SLC9B2: variants seen among roughly 807,000 people sequenced by gnomAD.
The protein encoded by SLC9B2 is sodium/hydrogen exchanger 9B2.
A neutral mutation model predicts 52.2 loss-of-function variants in SLC9B2; 39 were observed. The ratio of observed to expected loss-of-function variants is 0.75; its 90% CI spans 0.58 to 0.98. SLC9B2 has a LOEUF of 0.98. SLC9B2 is among the 50% of genes least tolerant of loss of function. SLC9B2 has a pLI of 0.00. For missense variants in SLC9B2, 626 were observed against 637.5 expected, an observed-to-expected ratio of 0.98 and a Z score of 0.19; for synonymous variants, 214 against 227.0, an observed-to-expected ratio of 0.94 and a Z score of 0.51.
At position 103,023,155 on chromosome 4, in the gene SLC9B2, G is replaced by C. The variant is rs183633922; in HGVS notation, c.*3215C>G. Among the ~76,000 whole-genome samples the C allele has an allele frequency of 6.6e-6, 1 of 152,308 alleles. No individual in the cohort carries two copies. The highest frequency in any genetic ancestry group is 2.4e-5 in the African/African-American group (1 of 41,570). ...GTGTGGCAAGTAGTTTTCTGATATT[G>C]AGAGAGGATCCTCTTCCTCTCAGAT... is the stretch of plus-strand genomic sequence containing the variant. On this transcript the variant is annotated 3_prime_UTR_variant, in exon 12 of 12. Transcript: ENST00000394785.
intron 3 of SLC9B2, chr4:103,065,907 T>C (rs975757277): frequency 6.5e-6 from 1 of 154,740 alleles, no homozygotes; most frequent in African/African-American, 2.4e-5. Context: ...TTCTTACTTA[T>C]AAAGTAATAG....
rs1010686670 is a variant in SLC9B2 at position 103,056,471 on chromosome 4, C to T, written c.442+1330G>A. Reference sequence around the variant, plus strand: ...CCATGTTGGCCAGGCTGATCTTGAACTCCTGACCTCAGGTGATCCGCCTGC... The same window carrying T: ...CCATGTTGGCCAGGCTGATCTTGAATTCCTGACCTCAGGTGATCCGCCTGC... On this transcript the variant is annotated intron_variant, in intron 4 of 11. Coordinates refer to ENST00000394785, the MANE Select transcript of SLC9B2 (RefSeq NM_178833.7). 2.0e-5 allele frequency among the ~76,000 whole-genome samples: 3 copies of T among 152,100 alleles called. No individual in the cohort carries two copies. The East Asian group carries it at 5.8e-4, about 29-fold the overall frequency.
intron 9 of SLC9B2, among the ~76,000 whole-genome samples, chr4:103,034,254 T>C (rs957764935): frequency 6.6e-6 from 1 of 152,202 alleles, no homozygotes; most frequent in African/African-American, 2.4e-5. Flanking sequence ...GCTAACCATA[T>C]GCAGAAGATT....
At chr4:103,033,498 G>A (rs564239682) in intron 9 of SLC9B2, among the ~76,000 whole-genome samples, 10 of 151,844 alleles carry the variant, frequency 6.6e-5, no homozygotes, top group Non-Finnish European at 1.0e-4. Context: ...ATTTCTCTTC[G>A]CAGATTATAC....
At chr4:103,051,492 G>A (rs571182327) in intron 4 of SLC9B2, among the ~76,000 whole-genome samples, 9 of 152,144 alleles carry the variant, frequency 5.9e-5, no homozygotes, top group South Asian at 4.1e-4. Context: ...ATTTATCTAC[G>A]GGAAAGTCTC....
At chr4:103,036,645 A>G (rs148719643) in intron 9 of SLC9B2, among the ~76,000 whole-genome samples, 151 of 152,226 alleles carry the variant, frequency 9.9e-4, no homozygotes, top group African/African-American at 3.6e-3. Flanking sequence ...AATTAAATTG[A>G]CATGCCTTTT....
Position 103,043,288 on chromosome 4 carries a change from A to C in SLC9B2, c.1146+8T>G. The C allele has an allele frequency of 6.3e-7, 1 of 1,594,544 alleles. No individual in the cohort carries two copies. Among genetic ancestry groups the C allele is most frequent in the Non-Finnish European group, 8.5e-7 (1 of 1,174,196 alleles). On this transcript the variant is annotated splice_region_variant and intron_variant, in intron 9 of 11. Transcript: ENST00000394785. ...GTCATGAGCAGAAAAACTTAAAATG[A>C]AATTCACCTTTTCGCTGGTCCATCC...
At chr4:103,027,569 T>C (rs1008817399) in intron 11 of SLC9B2, among the ~76,000 whole-genome samples, 2 of 152,162 alleles carry the variant, frequency 1.3e-5, no homozygotes, top group African/African-American at 4.8e-5. Flanking sequence ...AAAAATGTAT[T>C]AATTAATCTG....
chr4:103,019,682 T>C (rs1436183796), downstream of SLC9B2: 1 of 985,180 alleles, frequency 1.0e-6, no homozygotes. Context: ...GCCACCCAGG[T>C]GGGCAGGGTG....
intron 3 of SLC9B2, among the ~76,000 whole-genome samples, chr4:103,063,931 A>C (rs1745879446): frequency 6.6e-6 from 1 of 152,242 alleles, no homozygotes; most frequent in Non-Finnish European, 1.5e-5. Flanking sequence ...AGGTATAGGA[A>C]AAAATGTTCA....
chr4:103,023,011 G>C lies in SLC9B2; in HGVS notation c.*3359C>G, dbSNP rs78845458. 1.3e-5 allele frequency among the ~76,000 whole-genome samples: 2 copies of C among 152,066 alleles called. No homozygotes were observed. The highest frequency in any genetic ancestry group is 1.9e-4 in the East Asian group (1 of 5,202). ...CCAACAATGCTGGCATCCTGATCTC[G>C]AACTTCCAACCTTTAATAGAAGTAA... is the stretch of plus-strand genomic sequence containing the variant. On this transcript the variant is annotated 3_prime_UTR_variant, in exon 12 of 12. Coordinates refer to ENST00000394785, the MANE Select transcript of SLC9B2 (RefSeq NM_178833.7).
In SLC9B2 at chr4:103,066,320, T is replaced by C; in HGVS notation, c.271+7A>G. On this transcript the variant is annotated splice_region_variant and intron_variant, in intron 3 of 11. Coordinates refer to ENST00000394785, the MANE Select transcript of SLC9B2 (RefSeq NM_178833.7). ...CTTTTGCCATCTCTTTCTGAATTCA[T>C]CCTTACCATTTGTTATGACCCTGTC... 1.2e-6 allele frequency: 2 copies of C among 1,608,110 alleles called. No individual in the cohort carries two copies. The highest frequency in any genetic ancestry group is 1.7e-6 in the Non-Finnish European group (2 of 1,176,404).
intron 8 of SLC9B2, among the ~76,000 whole-genome samples, chr4:103,044,080 A>G (rs1464545942): frequency 6.6e-6 from 1 of 152,136 alleles, no homozygotes; most frequent in Non-Finnish European, 1.5e-5. Context: ...ATCACTTTAG[A>G]AAGTAGGTCT....
intron 9 of SLC9B2, among the ~76,000 whole-genome samples, chr4:103,041,559 C>A (rs769803897): frequency 1.3e-5 from 2 of 152,130 alleles, no homozygotes; most frequent in African/African-American, 2.4e-5. Flanking sequence ...TCCTTCATTT[C>A]TCTGTTGCTA....
chr4:103,020,229 G>A (rs1741686212), downstream of SLC9B2: 1 of 399,952 alleles, frequency 2.5e-6, no homozygotes, highest in South Asian at 1.8e-5. Flanking sequence ...TTAATATACT[G>A]TTATCAGTAT....
intron 9 of SLC9B2, among the ~76,000 whole-genome samples, chr4:103,041,715 C>G (rs1011110010): frequency 1.4e-4 from 21 of 152,096 alleles, no homozygotes; most frequent in African/African-American, 4.8e-4. Context: ...AAGTGTTACT[C>G]AAACAGATGT....
chr4:103,044,985 A>G lies in SLC9B2; in HGVS notation c.901T>C (p.Phe301Leu). Residue 301 changes from phenylalanine to leucine, a missense_variant, in exon 8 of 12, where the codon TTT becomes CTT. Transcript: ENST00000394785. ...GIAFSTGSTV[F>L]NVLRGVLEVV... is the part of the protein sequence containing the mutation. ...TCCAAAACTCCTCTGAGGACATTAA[A>G]GACAGTAGAGCCTGAAAAATATATT... is the stretch of plus-strand genomic sequence containing the variant. 6.2e-7 allele frequency: 1 copy of G among 1,612,180 alleles called. No individual in the cohort carries two copies. Among genetic ancestry groups the G allele is most frequent in the Non-Finnish European group, 8.5e-7 (1 of 1,178,442 alleles).
chr4:103,058,438 C>A (rs1284031447), intron 3 of SLC9B2, among the ~76,000 whole-genome samples: 4 of 152,204 alleles, frequency 2.6e-5, no homozygotes. Context: ...CCCTCTGTAG[C>A]CCAGGCTGGA....
intron 1 of SLC9B2, among the ~76,000 whole-genome samples, chr4:103,069,936 C>T (rs1047331639): frequency 6.6e-6 from 1 of 152,112 alleles, no homozygotes; most frequent in African/African-American, 2.4e-5. Flanking sequence ...TTATGGGGTC[C>T]TTTTAAATAT....
Sources: gnomAD v4.1 joint callset for allele counts (sites outside exome capture counted in the v4.1 genomes callset) on GRCh38, gnomAD v4.1.1 for gene constraint, MANE v1.5 for transcripts, NCBI Gene and HGNC (gene_info 2026-07-23, HGNC 2026-07-21) for gene names.